The following ANKLE2 variants were observed in gnomAD, a reference collection of about 807,000 sequenced individuals.
ANKLE2 encodes the protein ankyrin repeat and LEM domain-containing protein 2.
A neutral mutation model predicts 84.2 loss-of-function variants in ANKLE2; 55 were observed. The observed-to-expected ratio is 0.65, with a 90% CI of 0.53 to 0.82. The LOEUF is 0.82. Among genes scored for constraint, ANKLE2 ranks in the 40% least tolerant of loss-of-function variants. ANKLE2 has a pLI of 0.00. For synonymous variants in ANKLE2, 551 were observed against 486.1 expected, an observed-to-expected ratio of 1.13 and a Z score of -1.76; for missense variants, 1,238 against 1,201.9, an observed-to-expected ratio of 1.03 and a Z score of -0.44.
chr12:132,754,625 T>TC (rs1566036587), intron 2 of ANKLE2, 50 bp downstream of exon 2: 1 of 1,508,668 alleles, frequency 6.6e-7, no homozygotes, highest in Non-Finnish European at 8.9e-7. Context: ...ATCCCGCCCC[T>TC]CCGCGTATGT....
rs766653140 is a variant in ANKLE2, at chr12:132,741,485, C to T, written c.1354G>A (p.Val452Ile). Residue 452 changes from valine to isoleucine, a missense_variant and splice_region_variant, in exon 7 of 13, where the codon GTA becomes ATA. Around this residue, in one of 3 missense-constraint regions of ANKLE2, gnomAD observed 802 missense variants for 774.5 expected, o/e 1.04. Coordinates refer to ENST00000357997, the MANE Select transcript of ANKLE2 (RefSeq NM_015114.3). ...TTATTTTTGCTTCTTTCACAAATTACCTATTGGAAAAAAAAGTGTGTCTAA... is the reference window on the plus strand; with the variant it reads ...TTATTTTTGCTTCTTTCACAAATTATCTATTGGAAAAAAAAGTGTGTCTAA... ...RNKYDKTPED[V>I]ICERSKNKSV... 2 of 1,613,780 alleles carry T rather than the reference C, an allele frequency of 1.2e-6. No homozygotes were observed. Among genetic ancestry groups the T allele is most frequent in the East Asian group, 2.2e-5 (1 of 44,896 alleles).
intron 7 of ANKLE2, among the ~76,000 whole-genome samples, chr12:132,740,831 A>G (rs182766526): frequency 0.03 from 4,532 of 152,084 alleles, 230 homozygotes; most frequent in African/African-American, 0.1. Flanking sequence ...TCTCTCCCAG[A>G]GGCGAGTGGG....
rs2044444231 is a variant in ANKLE2 at position 132,754,917 on chromosome 12, TCCTGGC to T, written c.392_397del (p.Ser131_Asp133delinsAsn). 6.2e-7 allele frequency: 1 copy of T among 1,614,202 alleles called. No homozygotes were observed. The highest frequency in any genetic ancestry group is 8.5e-7 in the Non-Finnish European group (1 of 1,180,048). On this transcript the variant is annotated inframe_deletion, in exon 2 of 13. Transcript: ENST00000357997. ...AGCTGGCTTCAAAATCCTTTGTGGG[TCCTGGC>T]TGAGAGCTGTGACACCTGCCTCATG...
Position 132,754,206 on chromosome 12 carries a change from C to T in ANKLE2, c.640+469G>A, listed in dbSNP as rs369506463. Among the ~76,000 whole-genome samples the T allele has an allele frequency of 2.0e-5, 3 of 152,340 alleles. No homozygotes were observed. In the East Asian group the frequency reaches 5.8e-4, roughly 29 times the overall value. Reference sequence around the variant, plus strand: ...GCAGTGAGCTGAGATCACGCCACTGCACTCTGGCCTGGGCAACAGAGTGAG... The same window carrying T: ...GCAGTGAGCTGAGATCACGCCACTGTACTCTGGCCTGGGCAACAGAGTGAG... On this transcript the variant is annotated intron_variant, in intron 2 of 12. Transcript: ENST00000357997.
At position 132,733,506 on chromosome 12, in the gene ANKLE2, G is replaced by A. The variant is rs112502141; in HGVS notation, c.1891+879C>T. Among the ~76,000 whole-genome samples, 396 of 150,040 alleles carry A rather than the reference G, an allele frequency of 2.6e-3. 2 individuals are homozygous for A. Among genetic ancestry groups the A allele is most frequent in the African/African-American group, 8.9e-3 (362 of 40,570 alleles). On this transcript the variant is annotated intron_variant, in intron 10 of 12. Transcript: ENST00000357997. ...CGCGTCCTGGTGTCTGATATGCACCGTGTGAAGCTCTCTGCGTGCTGGTGC... is the reference window on the plus strand; with the variant it reads ...CGCGTCCTGGTGTCTGATATGCACCATGTGAAGCTCTCTGCGTGCTGGTGC...
chr12:132,755,116 C>A lies in ANKLE2; in HGVS notation c.199G>T (p.Ala67Ser), dbSNP rs757575242. 3.6e-5 allele frequency: 58 copies of A among 1,601,792 alleles called. No homozygotes were observed. Among genetic ancestry groups the A allele is most frequent in the Non-Finnish European group, 4.6e-5 (54 of 1,177,564 alleles). Residue 67 changes from alanine to serine, a missense_variant, in exon 2 of 13, where the codon GCT (alanine) becomes TCT (serine). Physicochemically the swap from Ala to Ser is moderately conservative, Grantham distance 99 (BLOSUM62 1). This residue lies in a region of ANKLE2 where 422 missense variants were observed against 394.5 expected (regional missense o/e 1.07). Transcript: ENST00000357997. The stretch of plus-strand genomic sequence containing the variant: ...AGAAGTTTCAATCGAGCCAACAGAG[C>A]ATCCATTGTCATTTCACCTAGGCCC... Reference protein sequence around the residue: ...APASGEMTMDALLARLKLLNP... With the variant: ...APASGEMTMDSLLARLKLLNP...
chr12:132,761,457 C>T (rs909860372), intron 1 of ANKLE2, 161 bp downstream of exon 1: 1 of 602,966 alleles, frequency 1.7e-6, no homozygotes, highest in Non-Finnish European at 2.4e-6. Flanking sequence ...ACTGCCCTTT[C>T]CGCGGCCGGA....
intron 10 of ANKLE2, chr12:132,734,105 C>T (rs998620868): frequency 9.3e-6 from 5 of 535,562 alleles, no homozygotes; most frequent in African/African-American, 1.9e-5. Flanking sequence ...ATTAGCCAGG[C>T]GTGGTGGCGG....
chr12:132,741,511 A>G (rs1309962263), intron 6 of ANKLE2, 26 bp from the exon 7 acceptor site: 2 of 1,599,740 alleles, frequency 1.3e-6, no homozygotes, highest in Admixed American at 3.3e-5. Flanking sequence ...GTGTGTCTAA[A>G]TCTTATTTGA....
chr12:132,761,694 C>T lies in ANKLE2; in HGVS notation c.105G>A (p.Leu35=). Residue 35 remains leucine, a synonymous_variant, in exon 1 of 13, where the codon CTG becomes CTA. Transcript: ENST00000357997. The stretch of plus-strand genomic sequence containing the variant: ...GGCCCAGACCTCCCGGCCGCGGGCC[C>T]AGCCGCCGCACCAGCCACCGCACAG... ...LIAVRWLVRR[L]GPRPGGLGRS... The T allele has an allele frequency of 2.2e-6, 3 of 1,348,144 alleles. No individual in the cohort carries two copies. Among genetic ancestry groups the T allele is most frequent in the Non-Finnish European group, 2.9e-6 (3 of 1,042,234 alleles). 83.5% of individuals were successfully genotyped at this position (1,348,144 alleles called of 1,614,324 possible).
intron 10 of ANKLE2, among the ~76,000 whole-genome samples, chr12:132,733,167 T>C (rs2043925296): frequency 6.7e-6 from 1 of 149,344 alleles, no homozygotes; most frequent in Non-Finnish European, 1.5e-5. Flanking sequence ...ATGCACCGTG[T>C]GAAGCTCTCT....
chr12:132,728,026 A>G lies in ANKLE2; in HGVS notation c.2615+6T>C, dbSNP rs1258419835. ...GCGGGTGACAGGCTGTCCGGGCCCC[A>G]CATACCTCTGTCTGTCCGAGGGTGA... is the stretch of plus-strand genomic sequence containing the variant. On this transcript the variant is annotated splice_donor_region_variant and intron_variant, in intron 12 of 12. Transcript: ENST00000357997. 2 of 1,596,614 alleles carry G rather than the reference A, an allele frequency of 1.3e-6. No individual in the cohort carries two copies. The highest frequency in any genetic ancestry group is 2.7e-5 in the African/African-American group (2 of 73,770).
At chr12:132,761,588 G>A in intron 1 of ANKLE2, 30 bp downstream of exon 1, 2 of 1,216,302 alleles carry the variant, frequency 1.6e-6, no homozygotes, top group South Asian at 7.7e-5. Context: ...GGGCCAGGGT[G>A]CGGGGACCCA....
At chr12:132,741,878 T>C (rs1402816241) in intron 6 of ANKLE2, 1 of 462,388 alleles carries the variant, frequency 2.2e-6, no homozygotes, top group Non-Finnish European at 4.3e-6. Flanking sequence ...TGAGGCTGGG[T>C]CAAGGTGGAG....
chr12:132,733,746 T>C (rs2136118343), intron 10 of ANKLE2, among the ~76,000 whole-genome samples: 2 of 152,208 alleles, frequency 1.3e-5, no homozygotes, highest in Middle Eastern at 6.8e-3. Context: ...GCAAGGCGCT[T>C]CGTGCCCTGG....
chr12:132,727,479 C>T, intron 12 of ANKLE2, 36 bp from the exon 13 acceptor site: 2 of 1,547,948 alleles, frequency 1.3e-6, no homozygotes, highest in South Asian at 2.4e-5. Context: ...AGCAGACGGG[C>T]ACAGGCCCGG....
chr12:132,730,909 C>G (rs2043830892), intron 10 of ANKLE2: 1 of 152,312 alleles, frequency 6.6e-6, no homozygotes, highest in East Asian at 1.9e-4. Context: ...GGCGAGATGA[C>G]TGCCCTGCAC....
At position 132,747,924 on chromosome 12, in the gene ANKLE2, T is replaced by C. The variant is rs2044273440; in HGVS notation, c.1138A>G (p.Met380Val). The change falls in exon 5 of 13, where the codon ATG becomes GTG. Residue 380 changes from methionine (M) to valine (V), a missense_variant. Physicochemically the swap from Met to Val is conservative, Grantham distance 21. Around this residue, in one of 3 missense-constraint regions of ANKLE2, gnomAD observed 802 missense variants for 774.5 expected, o/e 1.04. Coordinates refer to ENST00000357997, the MANE Select transcript of ANKLE2 (RefSeq NM_015114.3). ...TLDVLENPDF[M>V]RLMYPDDDEA... ...TCGTCATCAGGGTACATCAGCCTCA[T>C]GAAGTCAGGGTTCTCCAGGACGTCC... is the stretch of plus-strand genomic sequence containing the variant. 2 of 1,603,868 alleles carry C rather than the reference T, an allele frequency of 1.2e-6. No individual in the cohort carries two copies. Among genetic ancestry groups the C allele is most frequent in the African/African-American group, 1.3e-5 (1 of 74,090 alleles).
chr12:132,737,116 C>A, intron 7 of ANKLE2, 51 bp from the exon 8 acceptor site: 1 of 1,535,550 alleles, frequency 6.5e-7, no homozygotes, highest in South Asian at 1.2e-5. Flanking sequence ...CTCCGCAGGT[C>A]AGGCCTGGGT....
Sources: gnomAD v4.1 joint callset for allele counts (sites outside exome capture counted in the v4.1 genomes callset) on GRCh38, gnomAD v4.1.1 for gene constraint, gnomAD v4.1.1 regional missense constraint, MANE v1.5 for transcripts, NCBI Gene and HGNC (gene_info 2026-07-23, HGNC 2026-07-21) for gene names.